The following PRAMEF5 variants were observed in gnomAD, a reference collection of about 807,000 sequenced individuals.
PRAMEF5 encodes PRAME family member 23.
Under a neutral mutation model 16.4 loss-of-function variants are expected in PRAMEF5, and 5 were observed. That is an observed-to-expected ratio of 0.30 (90% CI 0.16 to 0.64). PRAMEF5 has a LOEUF of 0.64. Among genes scored for constraint, PRAMEF5 ranks in the 30% least tolerant of loss-of-function variants. PRAMEF5 has a pLI of 0.80. For synonymous variants in PRAMEF5, 19 were observed against 107.3 expected (o/e 0.18, Z 5.09); for missense variants, 36 against 282.9 (o/e 0.13, Z 6.26).
At chr1:13,261,169 G>T in intron 3 of PRAMEF5, 1 of 6,280 alleles carries the variant, frequency 1.6e-4, no homozygotes, top group African/African-American at 0.02. Flanking sequence ...AGCAGTTTGG[G>T]AGTCTGAGGC....
At chr1:13,262,505 A>C (rs1639404824) in intron 3 of PRAMEF5, 45 bp from the exon 4 acceptor site, 1 of 255,204 alleles carries the variant, frequency 3.9e-6, no homozygotes, top group Non-Finnish European at 6.7e-6. Context: ...CCCTCCACTC[A>C]CCCCTATGAT....
rs1242671783 is a variant in PRAMEF5, at chr1:13,260,001, A to C, written c.288-221A>C. ...GAAGCAGAGGTTGCAGTGAGGTGAC[A>C]TCACACCACTGCACTCCAGCCTGGG... On this transcript the variant is annotated intron_variant, in intron 2 of 3. Coordinates refer to ENST00000622421, the Ensembl canonical transcript of PRAMEF5. 8 of 640,690 alleles carry C rather than the reference A, an allele frequency of 1.2e-5. No homozygotes were observed. In the African/African-American group the frequency reaches 1.3e-4, roughly 10 times the overall value. 39.7% of individuals were successfully genotyped at this position (640,690 alleles called of 1,614,324 possible). A position where few individuals can be genotyped will look rare whatever the true frequency, so the allele number is the denominator to read the frequency against.
In PRAMEF5 at chr1:13,262,401, A is replaced by C. The variant is rs1553173194; in HGVS notation, c.870-149A>C. 2 of 507,092 alleles carry C rather than the reference A, an allele frequency of 3.9e-6. 1 individual carries two copies. Among genetic ancestry groups the C allele is most frequent in the Non-Finnish European group, 5.7e-6 (2 of 350,886 alleles). The allele number at this position is 507,092 out of a possible 1,614,324, so 31.4% of individuals were successfully genotyped here. A position where few individuals can be genotyped will look rare whatever the true frequency, so the allele number is the denominator to read the frequency against. On this transcript the variant is annotated intron_variant, in intron 3 of 3. Coordinates refer to ENST00000622421, the Ensembl canonical transcript of PRAMEF5. The stretch of plus-strand genomic sequence containing the variant: ...CCTCGGTGGCAAAGCTCTTCATCAC[A>C]CATCATCCTAAATGTTGACCATCAG...
chr1:13,261,910 G>C (rs1397877649), intron 3 of PRAMEF5: 1 of 32,256 alleles, frequency 3.1e-5, no homozygotes, highest in Non-Finnish European at 6.2e-5. Flanking sequence ...GTCTGGGTTT[G>C]TCCTTTATGC....
At chr1:13,261,026 G>C in intron 3 of PRAMEF5, 6 of 36,716 alleles carry the variant, frequency 1.6e-4, no homozygotes, top group Non-Finnish European at 2.9e-4. Flanking sequence ...TGGAGAGGCT[G>C]CCATGCTAGG....
chr1:13,258,345 A>AGTAT (rs1395844525), intron 1 of PRAMEF5: 1 of 118,074 alleles, frequency 8.5e-6, no homozygotes, highest in African/African-American at 3.0e-5. Context: ...CTATAATCCC[A>AGTAT]GTATGTTGGG....
chr1:13,260,045 T>C (rs1639369981), intron 2 of PRAMEF5, 177 bp from the exon 3 acceptor site: 3 of 876,540 alleles, frequency 3.4e-6, no homozygotes, highest in South Asian at 3.5e-5. Context: ...GGAGACGTGG[T>C]CTCAAAAGAA....
At chr1:13,259,953 G>A (rs1384850966) in intron 2 of PRAMEF5, 2 of 499,290 alleles carry the variant, frequency 4.0e-6, no homozygotes, top group Non-Finnish European at 3.6e-6. Context: ...TGAGGTTGAG[G>A]CAGGAGAATC....
At chr1:13,256,101 AC>A (rs1370826272) in intron 1 of PRAMEF5, 2 of 132,326 alleles carry the variant, frequency 1.5e-5, no homozygotes, top group African/African-American at 2.6e-5. Context: ...TGTATTCTTG[AC>A]TTCTACCCTA....
chr1:13,261,958 G>GT (rs1639396871), intron 3 of PRAMEF5: 2 of 71,046 alleles, frequency 2.8e-5, no homozygotes, highest in Admixed American at 3.3e-4. Flanking sequence ...CAGGGATGTG[G>GT]TTTTCTGCCT....
intron 1 of PRAMEF5, chr1:13,255,974 G>A (rs1337382666): frequency 1.4e-5 from 2 of 145,138 alleles, no homozygotes; most frequent in Non-Finnish European, 3.1e-5. Flanking sequence ...TAGAGGTAGG[G>A]TTTTACCATG....
chr1:13,261,889 T>C (rs1412361529), intron 3 of PRAMEF5: 3 of 32,556 alleles, frequency 9.2e-5, no homozygotes, highest in Non-Finnish European at 1.3e-4. Context: ...TAGCTGATGT[T>C]GCAGGATCCT....
At chr1:13,262,165 G>T (rs1456358194) in intron 3 of PRAMEF5, 1 of 120,318 alleles carries the variant, frequency 8.3e-6, no homozygotes, top group Non-Finnish European at 1.8e-5. Context: ...GGGTTCAAGC[G>T]ATTCTTCTGC....
rs587672425 is a variant in PRAMEF5, at chr1:13,260,032, G to C, written c.288-190G>C. 1,641 of 836,838 alleles carry C rather than the reference G, an allele frequency of 2.0e-3. 9 individuals are homozygous for C. The African/African-American group carries it at 0.023, about 12-fold the overall frequency. The allele number at this position is 836,838 out of a possible 1,614,324, so 51.8% of individuals were successfully genotyped here. On this transcript the variant is annotated intron_variant, in intron 2 of 3. Transcript: ENST00000622421. ...CCACTGCACTCCAGCCTGGGCGACAGAGGGAGACGTGGTCTCAAAAGAAAA... is the reference window on the plus strand; with the variant it reads ...CCACTGCACTCCAGCCTGGGCGACACAGGGAGACGTGGTCTCAAAAGAAAA...
chr1:13,255,778 T>TTC (rs1639313419), intron 1 of PRAMEF5: 3 of 5,746 alleles, frequency 5.2e-4, no homozygotes, highest in East Asian at 7.2e-3. Flanking sequence ...TTCTTTTTCT[T>TTC]TTTTTTTTTT....
At chr1:13,259,916 G>A (rs1553173707) in intron 2 of PRAMEF5, 2 of 457,060 alleles carry the variant, frequency 4.4e-6, no homozygotes, top group Admixed American at 7.3e-5. Flanking sequence ...GGGCATGGTG[G>A]TGGGTTCCTG....
chr1:13,262,086 G>C (rs1182952420), intron 3 of PRAMEF5: 2 of 163,264 alleles, frequency 1.2e-5, no homozygotes, highest in African/African-American at 5.2e-5. Flanking sequence ...TTTTAATGCG[G>C]AGTCTCTCTC....
At chr1:13,258,628 AAGAG>A (rs1225756771) in intron 1 of PRAMEF5, 15 of 159,230 alleles carry the variant, frequency 9.4e-5, no homozygotes, top group African/African-American at 1.8e-4. Context: ...GAGAGAGAGA[AAGAG>A]AGAGAGAATG....
At chr1:13,255,787 TTTTTTTTTTTTTTTTTTTTG>T (rs1639313867) in intron 1 of PRAMEF5, 1 of 49,498 alleles carries the variant, frequency 2.0e-5, no homozygotes, top group African/African-American at 4.8e-5. Context: ...TTTTTTTTTT[TTTTTTTTTTTTTTTTTTTTG>T]AATCTAGCCT....
Sources: allele counts gnomAD v4.1 joint callset, GRCh38; gene constraint gnomAD v4.1.1; transcripts MANE v1.5; gene names NCBI Gene and HGNC (gene_info 2026-07-23, HGNC 2026-07-21).